Variants in NOS1AP observed in about 807,000 individuals in gnomAD.
The protein encoded by NOS1AP is nitric oxide synthase 1 adaptor protein.
A neutral mutation model predicts 56.2 loss-of-function variants in NOS1AP; 21 were observed. The ratio of observed to expected loss-of-function variants is 0.37; its 90% CI spans 0.26 to 0.54. NOS1AP has a LOEUF of 0.54. Ranked by LOEUF, NOS1AP falls within the 20% of genes least tolerant of loss-of-function variation. The pLI, the probability that NOS1AP is intolerant of heterozygous loss-of-function variation, is 0.84. For synonymous variants in NOS1AP, 270 were observed against 274.6 expected, an observed-to-expected ratio of 0.98 and a Z score of 0.17; for missense variants, 522 against 657.8, an observed-to-expected ratio of 0.79 and a Z score of 2.26.
intron 1 of NOS1AP, among the ~76,000 whole-genome samples, chr1:162,148,348 G>C (rs1649569769): frequency 6.6e-6 from 1 of 152,234 alleles, no homozygotes; most frequent in Non-Finnish European, 1.5e-5. Flanking sequence ...ACTAAAGCAT[G>C]TTTTAGCTGT....
intron 2 of NOS1AP, among the ~76,000 whole-genome samples, chr1:162,225,764 C>T (rs1002299471): frequency 6.6e-6 from 1 of 152,100 alleles, no homozygotes; most frequent in Non-Finnish European, 1.5e-5. Flanking sequence ...CTTGTGAAGT[C>T]CTCCCATGTT....
intron 8 of NOS1AP, among the ~76,000 whole-genome samples, chr1:162,362,712 G>C (rs933694112): frequency 6.6e-6 from 1 of 152,116 alleles, no homozygotes; most frequent in African/African-American, 2.4e-5. Context: ...GATAAGTAAC[G>C]GTACTCATAA....
At chr1:162,171,669 T>G (rs2102130759) in intron 2 of NOS1AP, among the ~76,000 whole-genome samples, 1 of 152,260 alleles carries the variant, frequency 6.6e-6, no homozygotes, top group East Asian at 1.9e-4. Flanking sequence ...CCCTCACCCT[T>G]TATTAAGGTC....
At chr1:162,074,235 G>C (rs1270263316) in intron 1 of NOS1AP, among the ~76,000 whole-genome samples, 1 of 152,144 alleles carries the variant, frequency 6.6e-6, no homozygotes, top group South Asian at 2.1e-4. Context: ...TATTTATTGA[G>C]CACTTACTAT....
chr1:162,276,558 C>G (rs1654740498), intron 2 of NOS1AP, among the ~76,000 whole-genome samples: 2 of 150,140 alleles, frequency 1.3e-5, no homozygotes, highest in South Asian at 4.2e-4. Flanking sequence ...GTCCAGGCTG[C>G]ACTCTAGACC....
intron 1 of NOS1AP, among the ~76,000 whole-genome samples, chr1:162,135,206 T>C (rs1648939761): frequency 6.6e-6 from 1 of 152,228 alleles, no homozygotes; most frequent in Non-Finnish European, 1.5e-5. Flanking sequence ...TTATGTGTAC[T>C]GTTAACGTTT....
chr1:162,359,930 G>A (rs1657843662), intron 8 of NOS1AP, among the ~76,000 whole-genome samples: 1 of 152,054 alleles, frequency 6.6e-6, no homozygotes, highest in Non-Finnish European at 1.5e-5. Flanking sequence ...TGTTGTTCCT[G>A]GATAAAAATC....
chr1:162,300,838 T>C, intron 4 of NOS1AP, 132 bp downstream of exon 4: 1 of 744,204 alleles, frequency 1.3e-6, no homozygotes, highest in Non-Finnish European at 2.4e-6. Context: ...TGAGACCTGT[T>C]GCTTCCATTA....
chr1:162,301,278 C>T (rs1655645229), intron 4 of NOS1AP, among the ~76,000 whole-genome samples: 1 of 152,010 alleles, frequency 6.6e-6, no homozygotes, highest in African/African-American at 2.4e-5. Flanking sequence ...GGGTGGGGCC[C>T]TCATGTTTGG....
At chr1:162,093,149 C>G (rs569958021) in intron 1 of NOS1AP, among the ~76,000 whole-genome samples, 2 of 152,306 alleles carry the variant, frequency 1.3e-5, no homozygotes, top group African/African-American at 4.8e-5. Context: ...TGGAATATTG[C>G]ATGCTGCCTC....
intron 1 of NOS1AP, among the ~76,000 whole-genome samples, chr1:162,119,046 A>G (rs909539675): frequency 6.6e-6 from 1 of 152,194 alleles, no homozygotes; most frequent in Non-Finnish European, 1.5e-5. Flanking sequence ...TGAGAGCTGG[A>G]TGGTAATTTT....
chr1:162,313,884 T>A (rs2819326), intron 4 of NOS1AP, among the ~76,000 whole-genome samples: 132,322 of 152,128 alleles, frequency 0.87, 57,756 homozygotes, highest in East Asian at 1. Flanking sequence ...CCCGCTTGAT[T>A]TTAAATTCAG....
chr1:162,202,752 C>T (rs891091594), intron 2 of NOS1AP, among the ~76,000 whole-genome samples: 1 of 152,080 alleles, frequency 6.6e-6, no homozygotes, highest in Non-Finnish European at 1.5e-5. Context: ...AATGTTATAC[C>T]TGTTTACATT....
At chr1:162,091,431 A>G (rs1692128452) in intron 1 of NOS1AP, among the ~76,000 whole-genome samples, 2 of 152,154 alleles carry the variant, frequency 1.3e-5, no homozygotes, top group Admixed American at 1.3e-4. Context: ...ATAACTTGTC[A>G]CCAAATTTTG....
chr1:162,330,984 G>C (rs1656749344), intron 4 of NOS1AP, among the ~76,000 whole-genome samples: 1 of 152,148 alleles, frequency 6.6e-6, no homozygotes, highest in Non-Finnish European at 1.5e-5. Context: ...ATCAAGATAG[G>C]ACATGGAGAA....
intron 2 of NOS1AP, among the ~76,000 whole-genome samples, chr1:162,264,479 C>CCCTGTCCTCCCCTCT (rs1654353374): frequency 5.2e-5 from 1 of 19,226 alleles, no homozygotes; most frequent in African/African-American, 7.2e-4. Context: ...CCCTCCCCTC[C>CCCTGTCCTCCCCTCT]CCTCCCCTCT....
intron 2 of NOS1AP, among the ~76,000 whole-genome samples, chr1:162,257,980 T>A (rs1455070637): frequency 6.6e-6 from 1 of 152,210 alleles, no homozygotes; most frequent in African/African-American, 2.4e-5. Flanking sequence ...TTTGCTTTTT[T>A]TTTTATTTTA....
chr1:162,179,842 T>C (rs111536057), intron 2 of NOS1AP, among the ~76,000 whole-genome samples: 172 of 152,254 alleles, frequency 1.1e-3, no homozygotes, highest in African/African-American at 4.0e-3. Flanking sequence ...TAGTGACCTA[T>C]TGGTAGATTT....
intron 1 of NOS1AP, among the ~76,000 whole-genome samples, chr1:162,114,676 C>G (rs375935323): frequency 5.3e-5 from 8 of 152,326 alleles, no homozygotes; most frequent in African/African-American, 1.9e-4. Flanking sequence ...GCCCCTCTTT[C>G]AACAACCTTC....
Sources: gnomAD v4.1 joint callset for allele counts (sites outside exome capture counted in the v4.1 genomes callset) on GRCh38, gnomAD v4.1.1 for gene constraint, MANE v1.5 for transcripts, NCBI Gene and HGNC (gene_info 2026-07-23, HGNC 2026-07-21) for gene names.